Variants in GAS2L3 observed in about 807,000 individuals in gnomAD.
GAS2L3 encodes growth arrest specific 2 like 3.
In GAS2L3, 28 loss-of-function variants were observed where a neutral mutation model predicts 37.0. The ratio of observed to expected loss-of-function variants is 0.76; its 90% CI spans 0.56 to 1.04. The LOEUF (loss-of-function observed/expected upper bound fraction) is 1.04, where lower values mean the gene tolerates loss of function less well. Ranked by LOEUF, GAS2L3 falls within the 50% of genes least tolerant of loss-of-function variation. The pLI is 0.00. For synonymous variants in GAS2L3, 290 were observed against 296.6 expected (o/e 0.98, Z 0.23); for missense variants, 793 against 817.6 (o/e 0.97, Z 0.37).
chr12:100,579,651 ATTTTTC>A (rs1182682765), intron 1 of GAS2L3: 6 of 777,938 alleles, frequency 7.7e-6, no homozygotes, highest in Non-Finnish European at 1.4e-5. Flanking sequence ...TCAAGGACAT[ATTTTTC>A]TTAATACCTC....
chr12:100,594,960 G>A, intron 3 of GAS2L3, 38 bp downstream of exon 3: 1 of 969,170 alleles, frequency 1.0e-6, no homozygotes, highest in Admixed American at 2.5e-5. Flanking sequence ...TAAATTATGA[G>A]ATTAATATAA....
Position 100,624,985 on chromosome 12 carries a change from G to A in GAS2L3, c.*95G>A. 1 of 944,686 alleles carries A rather than the reference G, an allele frequency of 1.1e-6. No homozygotes were observed. Among genetic ancestry groups the A allele is most frequent in the Non-Finnish European group, 1.6e-6 (1 of 625,170 alleles). 58.5% of individuals were successfully genotyped at this position (944,686 alleles called of 1,614,324 possible). On this transcript the variant is annotated 3_prime_UTR_variant, in exon 10 of 10. Transcript: ENST00000547754. ...CCTATTTGTGTCTGTCTAAATAGGTGCAGACACTAAGGATAGTGAGGATGG... is the reference window on the plus strand; with the variant it reads ...CCTATTTGTGTCTGTCTAAATAGGTACAGACACTAAGGATAGTGAGGATGG...
chr12:100,600,883 G>A (rs1171397138), intron 4 of GAS2L3, among the ~76,000 whole-genome samples: 1 of 151,480 alleles, frequency 6.6e-6, no homozygotes, highest in Non-Finnish European at 1.5e-5. Flanking sequence ...CTCCTGCCTC[G>A]ACCCACCTTA....
At chr12:100,621,882 G>GGAGAGAGAGAGAGA (rs1205356059) in intron 8 of GAS2L3, among the ~76,000 whole-genome samples, 1 of 81,296 alleles carries the variant, frequency 1.2e-5, no homozygotes, top group Non-Finnish European at 2.3e-5. Flanking sequence ...GGTGGGGGGG[G>GGAGAGAGAGAGAGA]GAGAGAGAGA....
intron 3 of GAS2L3, among the ~76,000 whole-genome samples, chr12:100,597,324 C>A (rs1175673804): frequency 6.6e-6 from 1 of 152,008 alleles, no homozygotes; most frequent in Non-Finnish European, 1.5e-5. Context: ...TTGCTAATAT[C>A]TATTCCTCAA....
chr12:100,627,246 T>A lies in GAS2L3; in HGVS notation c.*2356T>A, dbSNP rs1300867479. On this transcript the variant is annotated 3_prime_UTR_variant, in exon 10 of 10. Transcript: ENST00000547754. Reference sequence around the variant, plus strand: ...ATAGCTTACCCTTCCAAAATAAAAGTGTTTTTTTAATGTTGTTTTGTTTTG... The same window carrying A: ...ATAGCTTACCCTTCCAAAATAAAAGAGTTTTTTTAATGTTGTTTTGTTTTG... Among the ~76,000 whole-genome samples the A allele has an allele frequency of 2.0e-5, 3 of 151,956 alleles. No individual in the cohort carries two copies. Among genetic ancestry groups the A allele is most frequent in the African/African-American group, 7.3e-5 (3 of 41,300 alleles).
intron 2 of GAS2L3, among the ~76,000 whole-genome samples, chr12:100,592,149 C>A (rs975201233): frequency 6.6e-6 from 1 of 152,024 alleles, no homozygotes; most frequent in African/African-American, 2.4e-5. Flanking sequence ...GTTGAAAGGC[C>A]CTTGTGCATT....
Position 100,624,755 on chromosome 12 carries a change from A to C in GAS2L3, c.1950A>C (p.Lys650Asn). ...CTAAAGGGCCTCCCAGAAGTGGCAA[A>C]ACCCCAGCTTCAATCAGGAAACCAC... ...HSTKGPPRSG[K>N]TPASIRKPPS... The change falls in exon 10 of 10, where the codon AAA becomes AAC. Residue 650 changes from lysine to asparagine, a missense_variant. Transcript: ENST00000547754. 1.9e-6 allele frequency: 3 copies of C among 1,614,054 alleles called. No individual in the cohort carries two copies. The highest frequency in any genetic ancestry group is 2.5e-6 in the Non-Finnish European group (3 of 1,180,012).
At position 100,623,563 on chromosome 12, in the gene GAS2L3, T is replaced by C; in HGVS notation, c.758T>C (p.Met253Thr). 2 of 1,592,548 alleles carry C rather than the reference T, an allele frequency of 1.3e-6. No individual in the cohort carries two copies. Among genetic ancestry groups the C allele is most frequent in the Non-Finnish European group, 8.5e-7 (1 of 1,171,036 alleles). Reference protein sequence around the residue: ...RLGDKILFIRMLHGKHVMVRV... With the variant: ...RLGDKILFIRTLHGKHVMVRV... ...CTTTTTGTTTTCCTTTGGGGGCAGA[T>C]GCTTCATGGAAAACATGTCATGGTT... The change falls in exon 10 of 10, where the codon ATG becomes ACG. Residue 253 changes from methionine to threonine, a missense_variant and splice_region_variant. Transcript: ENST00000547754.
intron 1 of GAS2L3, among the ~76,000 whole-genome samples, chr12:100,587,130 C>A (rs1454197619): frequency 6.6e-6 from 1 of 152,148 alleles, no homozygotes; most frequent in African/African-American, 2.4e-5. Flanking sequence ...AGATTCACAA[C>A]AGAACTCTAC....
At chr12:100,575,476 ATTTT>A (rs58446699) in intron 1 of GAS2L3, among the ~76,000 whole-genome samples, 132 of 88,788 alleles carry the variant, frequency 1.5e-3, no homozygotes, top group Middle Eastern at 0.018. Context: ...TGTTATCTCT[ATTTT>A]TTTTTTTTTT....
chr12:100,597,779 A>G (rs1565803449), intron 3 of GAS2L3, among the ~76,000 whole-genome samples: 1 of 151,920 alleles, frequency 6.6e-6, no homozygotes, highest in Admixed American at 6.6e-5. Flanking sequence ...ATTCCCCGCC[A>G]CCAGTTTGTT....
chr12:100,609,258 T>G (rs894366049), intron 5 of GAS2L3, among the ~76,000 whole-genome samples: 3 of 152,204 alleles, frequency 2.0e-5, no homozygotes, highest in African/African-American at 7.2e-5. Context: ...CTACCAATAC[T>G]GGGAATATAT....
At chr12:100,619,095 T>A (rs1529429) in intron 8 of GAS2L3, among the ~76,000 whole-genome samples, 112,169 of 151,764 alleles carry the variant, frequency 0.74, 41,663 homozygotes, top group East Asian at 0.95. Context: ...TGTTTGTGTG[T>A]GAGAGAGAAT....
intron 1 of GAS2L3, among the ~76,000 whole-genome samples, chr12:100,578,299 T>G (rs1463708365): frequency 6.6e-6 from 1 of 152,034 alleles, no homozygotes; most frequent in Admixed American, 6.5e-5. Context: ...CCTGGTAACT[T>G]AGTGAATTTT....
intron 3 of GAS2L3, 48 bp from the exon 4 acceptor site, chr12:100,600,334 T>G: frequency 8.1e-7 from 1 of 1,228,898 alleles, no homozygotes; most frequent in Non-Finnish European, 1.1e-6. Context: ...ATGATGACTT[T>G]TAGCAAAGGT....
intron 5 of GAS2L3, among the ~76,000 whole-genome samples, chr12:100,604,689 G>C (rs1860700845): frequency 6.6e-6 from 1 of 151,862 alleles, no homozygotes; most frequent in South Asian, 2.1e-4. Flanking sequence ...TAGAGGAAAG[G>C]CTTTCAGTTT....
chr12:100,621,465 C>A (rs1345465444), intron 8 of GAS2L3, among the ~76,000 whole-genome samples: 1 of 151,980 alleles, frequency 6.6e-6, no homozygotes, highest in Non-Finnish European at 1.5e-5. Context: ...CTATAAGCTT[C>A]TTAACTGGTT....
chr12:100,625,008 T>TG lies in GAS2L3; in HGVS notation c.*120dup. On this transcript the variant is annotated 3_prime_UTR_variant, in exon 10 of 10. Transcript: ENST00000547754. ...GTGCAGACACTAAGGATAGTGAGGATGGAGGCTGGGATGAGGAAAGGGTTC... is the reference window on the plus strand; with the variant it reads ...GTGCAGACACTAAGGATAGTGAGGATGGGAGGCTGGGATGAGGAAAGGGTTC... 1 of 789,874 alleles carries TG rather than the reference T, an allele frequency of 1.3e-6. No individual in the cohort carries two copies. Among genetic ancestry groups the TG allele is most frequent in the Non-Finnish European group, 2.0e-6 (1 of 493,118 alleles). 48.9% of individuals were successfully genotyped at this position (789,874 alleles called of 1,614,324 possible).
Sources: gnomAD v4.1 joint callset for allele counts (sites outside exome capture counted in the v4.1 genomes callset) on GRCh38, gnomAD v4.1.1 for gene constraint, MANE v1.5 for transcripts, NCBI Gene and HGNC (gene_info 2026-07-23, HGNC 2026-07-21) for gene names.